IGFL2: variants seen among roughly 807,000 people sequenced by gnomAD.
IGFL2 encodes the protein insulin growth factor-like family member 2.
Under a neutral mutation model 13.9 loss-of-function variants are expected in IGFL2, and 7 were observed. The observed-to-expected ratio is 0.51, with a 90% CI of 0.29 to 0.95. The LOEUF (loss-of-function observed/expected upper bound fraction) is 0.95. IGFL2 is among the 40% of genes least tolerant of loss of function. The pLI is 0.08. For missense variants in IGFL2, 138 were observed against 147.8 expected, an observed-to-expected ratio of 0.93 and a Z score of 0.34; for synonymous variants, 55 against 55.8, an observed-to-expected ratio of 0.99 and a Z score of 0.07.
chr19:46,096,429 A>G, the IGFL2 span, among the ~76,000 whole-genome samples: 3 of 152,078 alleles, frequency 2.0e-5, no homozygotes, highest in Admixed American at 1.3e-4. Context: ...GGCTGAGACA[A>G]TGGGGTTTTC....
chr19:46,090,965 A>G, the IGFL2 span, among the ~76,000 whole-genome samples: 1 of 152,166 alleles, frequency 6.6e-6, no homozygotes, highest in Admixed American at 6.5e-5. Flanking sequence ...GACAGTATGT[A>G]TCTCTCTCTG....
chr19:46,125,836 T>G, the IGFL2 span, among the ~76,000 whole-genome samples: 1 of 152,164 alleles, frequency 6.6e-6, no homozygotes, highest in Non-Finnish European at 1.5e-5. Context: ...AAAGAAACGT[T>G]TGAGTTTGAT....
chr19:46,145,921 C>T (rs1300226320), upstream of IGFL2, among the ~76,000 whole-genome samples: 2 of 152,142 alleles, frequency 1.3e-5, no homozygotes, highest in Non-Finnish European at 2.9e-5. Context: ...CAGACACTTT[C>T]TGCAGTTGGT....
the IGFL2 span, among the ~76,000 whole-genome samples, chr19:46,078,546 A>G: frequency 2.0e-5 from 3 of 152,244 alleles, no homozygotes; most frequent in African/African-American, 7.2e-5. Flanking sequence ...CTGCTCCTGT[A>G]TTACCTAAAG....
intron 1 of IGFL2, among the ~76,000 whole-genome samples, chr19:46,149,427 A>G (rs967405866): frequency 2.7e-5 from 4 of 148,276 alleles, no homozygotes; most frequent in Admixed American, 2.0e-4. Context: ...TCCTCTCTCA[A>G]GTTGAAGGAA....
At chr19:46,133,065 G>A in the IGFL2 span, among the ~76,000 whole-genome samples, 2 of 152,116 alleles carry the variant, frequency 1.3e-5, no homozygotes, top group Non-Finnish European at 2.9e-5. Flanking sequence ...GGGCTGGCAG[G>A]CTGGAGAAAG....
the IGFL2 span, chr19:46,208,563 T>C: frequency 6.6e-6 from 1 of 152,234 alleles, no homozygotes; most frequent in African/African-American, 2.4e-5. Flanking sequence ...AATTTGGCTC[T>C]GTCTTGCCAC....
the IGFL2 span, among the ~76,000 whole-genome samples, chr19:46,194,845 TATATATA>T: frequency 2.6e-5 from 1 of 39,018 alleles, no homozygotes; most frequent in African/African-American, 7.6e-5. Flanking sequence ...TATATATATA[TATATATA>T]TTTTTTTTTT....
chr19:46,097,266 T>C, the IGFL2 span, among the ~76,000 whole-genome samples: 34 of 152,330 alleles, frequency 2.2e-4, no homozygotes, highest in African/African-American at 7.9e-4. Context: ...GTCCAGAAAT[T>C]TGTCCATTTC....
chr19:46,207,647 G>A, the IGFL2 span: 1 of 152,146 alleles, frequency 6.6e-6, no homozygotes, highest in African/African-American at 2.4e-5. Flanking sequence ...CTCCCAAAGT[G>A]TTGGGATTAC....
At chr19:46,122,459 A>G in the IGFL2 span, among the ~76,000 whole-genome samples, 3 of 151,082 alleles carry the variant, frequency 2.0e-5, no homozygotes, top group Admixed American at 6.6e-5. Flanking sequence ...AAAGATACAG[A>G]TAATAAATGT....
chr19:46,197,863 C>T, the IGFL2 span, among the ~76,000 whole-genome samples: 1 of 151,962 alleles, frequency 6.6e-6, no homozygotes, highest in Non-Finnish European at 1.5e-5. Context: ...CCCTGGCTGC[C>T]CTCCTCCCAT....
intron 1 of IGFL2, among the ~76,000 whole-genome samples, chr19:46,155,133 C>T (rs1402941573): frequency 1.6e-4 from 25 of 152,200 alleles, no homozygotes; most frequent in Admixed American, 1.6e-3. Context: ...TGTGCTTCAC[C>T]TGCTAAACTT....
intron 1 of IGFL2, among the ~76,000 whole-genome samples, chr19:46,156,308 G>A (rs1285779948): frequency 6.6e-6 from 1 of 152,122 alleles, no homozygotes; most frequent in Non-Finnish European, 1.5e-5. Flanking sequence ...TTTCAGCAGA[G>A]TTTTGCAGAG....
the IGFL2 span, among the ~76,000 whole-genome samples, chr19:46,199,670 G>A: frequency 5.9e-5 from 9 of 152,220 alleles, no homozygotes; most frequent in East Asian, 1.9e-4. Context: ...CTCTCTCCTC[G>A]GGACACAATC....
chr19:46,200,487 T>TTCTTTTCTTTTCTTTTCTTTTCTTTTC, the IGFL2 span, among the ~76,000 whole-genome samples: 1 of 145,480 alleles, frequency 6.9e-6, no homozygotes, highest in Admixed American at 7.0e-5. Context: ...TTCTTTTCTT[T>TTCTTTTCTTTTCTTTTCTTTTCTTTTC]TCTTTTCTTT....
rs373779458 is a variant in IGFL2, at chr19:46,160,650, C to T, written c.110C>T (p.Ala37Val). ...TCAGAACCATGGCTGTGCCAGCCGG[C>T]ACCCAGGTGTGGAGACAAGATCTAC... ...AGSEPWLCQP[A>V]PRCGDKIYNP... The change falls in exon 3 of 4, where the codon GCA (alanine) becomes GTA (valine). Residue 37 changes from alanine to valine, a missense_variant. Ala to Val is a moderately conservative substitution (Grantham distance 64, BLOSUM62 0). Coordinates refer to ENST00000377693, the MANE Select transcript of IGFL2 (RefSeq NM_001135113.2). 2.5e-5 allele frequency: 41 copies of T among 1,613,936 alleles called. 1 individual carries two copies. The Middle Eastern group carries it at 9.9e-4, about 39-fold the overall frequency.
chr19:46,133,543 A>G, the IGFL2 span, among the ~76,000 whole-genome samples: 2 of 152,246 alleles, frequency 1.3e-5, no homozygotes, highest in Non-Finnish European at 2.9e-5. Flanking sequence ...CCAAATAAGG[A>G]AGAGGAATAG....
chr19:46,172,518 C>T, the IGFL2 span, among the ~76,000 whole-genome samples: 8 of 152,100 alleles, frequency 5.3e-5, no homozygotes, highest in African/African-American at 1.7e-4. Context: ...AGTTCTGTTA[C>T]GTTCCCCAGG....
Sources: allele counts gnomAD v4.1 joint callset (sites outside exome capture counted in the v4.1 genomes callset), GRCh38; gene constraint gnomAD v4.1.1; transcripts MANE v1.5; gene names NCBI Gene and HGNC (gene_info 2026-07-23, HGNC 2026-07-21).